PRKG1: variants seen among roughly 807,000 people sequenced by gnomAD.
The protein encoded by PRKG1 is protein kinase cGMP-dependent 1.
In PRKG1, 35 loss-of-function variants were observed where a neutral mutation model predicts 88.1. That is an observed-to-expected ratio of 0.40 (90% CI 0.30 to 0.53). The LOEUF (loss-of-function observed/expected upper bound fraction) is 0.53. Ranked by LOEUF, PRKG1 falls within the 20% of genes least tolerant of loss-of-function variation. The pLI is 0.59. For missense variants in PRKG1, 540 were observed against 839.8 expected, an observed-to-expected ratio of 0.64 and a Z score of 4.41; for synonymous variants, 303 against 292.5, an observed-to-expected ratio of 1.04 and a Z score of -0.37.
chr10:51,827,923 C>A (rs929985035), intron 4 of PRKG1, among the ~76,000 whole-genome samples: 6 of 152,072 alleles, frequency 3.9e-5, no homozygotes, highest in African/African-American at 1.4e-4. Flanking sequence ...TTCTCTGGTA[C>A]CTGAGAAACT....
chr10:51,075,816 G>A (rs1589134500), intron 1 of PRKG1, among the ~76,000 whole-genome samples: 1 of 152,160 alleles, frequency 6.6e-6, no homozygotes, highest in Non-Finnish European at 1.5e-5. Context: ...AATGAAACTT[G>A]TTATACAACA....
intron 3 of PRKG1, among the ~76,000 whole-genome samples, chr10:51,769,879 C>G (rs923757399): frequency 8.5e-5 from 13 of 152,142 alleles, no homozygotes; most frequent in Non-Finnish European, 1.6e-4. Context: ...AAACAAAAAG[C>G]AGAAAACTTA....
At chr10:52,175,936 CT>C (rs1838852504) in intron 9 of PRKG1, among the ~76,000 whole-genome samples, 1 of 152,014 alleles carries the variant, frequency 6.6e-6, no homozygotes. Context: ...TTCTCTCCTT[CT>C]TTAAGTTATC....
chr10:51,270,398 C>T (rs1839948027), intron 2 of PRKG1, among the ~76,000 whole-genome samples: 1 of 152,144 alleles, frequency 6.6e-6, no homozygotes, highest in Admixed American at 6.6e-5. Context: ...ATCTAAATTA[C>T]TTAGATTTTT....
At chr10:51,601,514 A>G (rs1838599274) in intron 3 of PRKG1, among the ~76,000 whole-genome samples, 1 of 152,118 alleles carries the variant, frequency 6.6e-6, no homozygotes, top group Admixed American at 6.6e-5. Flanking sequence ...CCGGCAGGGT[A>G]TGTTGCCAGA....
intron 2 of PRKG1, among the ~76,000 whole-genome samples, chr10:51,365,111 C>T (rs111594371): frequency 8.9e-4 from 135 of 151,870 alleles, no homozygotes; most frequent in East Asian, 4.3e-3. Context: ...TCTTATCTGT[C>T]GGGTGACAGA....
intron 5 of PRKG1, among the ~76,000 whole-genome samples, chr10:51,946,506 G>A (rs1843038760): frequency 6.6e-6 from 1 of 152,048 alleles, no homozygotes; most frequent in African/African-American, 2.4e-5. Context: ...CTGGTGAGGA[G>A]ATGTGTTCCT....
intron 2 of PRKG1, among the ~76,000 whole-genome samples, chr10:51,295,642 C>CTT (rs1840700645): frequency 7.6e-6 from 1 of 130,988 alleles, no homozygotes; most frequent in Admixed American, 8.6e-5. Flanking sequence ...CCTTTCCTTT[C>CTT]CTCTTCTTTT....
intron 10 of PRKG1, among the ~76,000 whole-genome samples, chr10:52,258,911 T>C (rs1260702181): frequency 6.6e-6 from 1 of 151,780 alleles, no homozygotes; most frequent in Non-Finnish European, 1.5e-5. Flanking sequence ...GGAGAATAGG[T>C]TGGGATTTAA....
At chr10:52,198,106 T>G (rs1269941426) in intron 9 of PRKG1, among the ~76,000 whole-genome samples, 2 of 152,188 alleles carry the variant, frequency 1.3e-5, no homozygotes, top group Admixed American at 6.5e-5. Context: ...AATGTTCAAA[T>G]AGTTTATTAT....
intron 2 of PRKG1, among the ~76,000 whole-genome samples, chr10:51,435,465 T>C (rs534793106): frequency 1.3e-5 from 2 of 151,818 alleles, no homozygotes; most frequent in Non-Finnish European, 2.9e-5. Context: ...TATATATATA[T>C]ATGGCAAAAC....
chr10:51,686,580 T>TCCTA (rs1284867337), intron 3 of PRKG1, among the ~76,000 whole-genome samples: 2 of 152,164 alleles, frequency 1.3e-5, no homozygotes, highest in Non-Finnish European at 2.9e-5. Flanking sequence ...CAATCAAAGA[T>TCCTA]CCTATAAGCC....
chr10:51,800,033 G>T (rs1839124603), intron 3 of PRKG1, among the ~76,000 whole-genome samples: 1 of 152,068 alleles, frequency 6.6e-6, no homozygotes, highest in African/African-American at 2.4e-5. Context: ...TAATTTTGAA[G>T]TAGTGATGAA....
At chr10:51,213,910 T>G (rs73337536) in intron 2 of PRKG1, among the ~76,000 whole-genome samples, 94 of 152,280 alleles carry the variant, frequency 6.2e-4, no homozygotes, top group African/African-American at 2.1e-3. Flanking sequence ...TGAAGATTTA[T>G]CCATAAGATT....
chr10:51,197,262 A>G lies in PRKG1; in HGVS notation c.478+43932A>G, dbSNP rs536318622. On this transcript the variant is annotated intron_variant, in intron 2 of 17. Transcript: ENST00000373980. Reference sequence around the variant, plus strand: ...GTGTGTTTTGAGATATCGTGTTTATATTTTATTTATTTATTTAAATTGTTT... The same window carrying G: ...GTGTGTTTTGAGATATCGTGTTTATGTTTTATTTATTTATTTAAATTGTTT... Among the ~76,000 whole-genome samples, 4 of 152,120 alleles carry G rather than the reference A, an allele frequency of 2.6e-5. No homozygotes were observed. In the East Asian group the frequency reaches 7.7e-4, roughly 29 times the overall value.
At chr10:52,089,060 GT>G (rs1018747060) in intron 7 of PRKG1, among the ~76,000 whole-genome samples, 2 of 152,070 alleles carry the variant, frequency 1.3e-5, no homozygotes, top group Admixed American at 1.3e-4. Flanking sequence ...AAAATATCAA[GT>G]TTTTTTGGTC....
In PRKG1 at chr10:52,295,419, C is replaced by G. The variant is rs988066619; in HGVS notation, c.*1519C>G. ...AAAGACTAGATTTGAAAATGTCAAG[C>G]TGATTTACTTTATTCACATGGAGAA... On this transcript the variant is annotated 3_prime_UTR_variant, in exon 18 of 18. Transcript: ENST00000373980. 6.6e-6 allele frequency: 1 copy of G among 151,978 alleles called. No individual in the cohort carries two copies. The highest frequency in any genetic ancestry group is 1.5e-5 in the Non-Finnish European group (1 of 67,930). The allele number at this position is 151,978 out of a possible 1,614,324, so 9.4% of individuals were successfully genotyped here. A position where few individuals can be genotyped will look rare whatever the true frequency, so the allele number is the denominator to read the frequency against.
chr10:51,979,983 A>T (rs534673003), intron 5 of PRKG1, among the ~76,000 whole-genome samples: 4 of 152,060 alleles, frequency 2.6e-5, no homozygotes, highest in Admixed American at 2.6e-4. Flanking sequence ...GTCTCCATCA[A>T]TTCAGTCCTG....
chr10:51,457,381 A>G (rs548346778), intron 2 of PRKG1, among the ~76,000 whole-genome samples: 2 of 152,268 alleles, frequency 1.3e-5, no homozygotes, highest in Non-Finnish European at 2.9e-5. Flanking sequence ...AGCTATAAGG[A>G]CACAAAGACA....
Sources: gnomAD v4.1 joint callset for allele counts (sites outside exome capture counted in the v4.1 genomes callset) on GRCh38, gnomAD v4.1.1 for gene constraint, MANE v1.5 for transcripts, NCBI Gene and HGNC (gene_info 2026-07-23, HGNC 2026-07-21) for gene names.